TAFA4: variants seen among roughly 807,000 people sequenced by gnomAD.
The protein encoded by TAFA4 is TAFA chemokine like family member 4.
In TAFA4, 20 loss-of-function variants were observed where a neutral mutation model predicts 21.1. The ratio of observed to expected loss-of-function variants is 0.95; its 90% CI spans 0.67 to 1.38. The LOEUF (loss-of-function observed/expected upper bound fraction) is 1.38, where lower values mean the gene tolerates loss of function less well. TAFA4 is among the 40% of genes most tolerant of loss of function. The pLI is 0.00. For missense variants in TAFA4, 211 were observed against 180.9 expected (o/e 1.17, Z -0.95); for synonymous variants, 71 against 67.4 (o/e 1.05, Z -0.26).
intron 1 of TAFA4, among the ~76,000 whole-genome samples, chr3:68,931,244 A>G (rs1464964462): frequency 1.3e-5 from 2 of 152,014 alleles, no homozygotes; most frequent in Non-Finnish European, 2.9e-5. Flanking sequence ...AAGGGAAAAG[A>G]GTTCAGGGAT....
intron 3 of TAFA4, among the ~76,000 whole-genome samples, chr3:68,827,090 G>C (rs1704257986): frequency 7.7e-6 from 1 of 130,306 alleles, no homozygotes; most frequent in South Asian, 2.3e-4. Flanking sequence ...CTGTGTCCAT[G>C]TGTTCTCATT....
chr3:68,871,458 C>A (rs1026764813), intron 3 of TAFA4, among the ~76,000 whole-genome samples: 5 of 152,068 alleles, frequency 3.3e-5, no homozygotes, highest in Non-Finnish European at 7.4e-5. Flanking sequence ...AAGTCTAACA[C>A]CTGAAACTAT....
At chr3:68,812,208 T>C (rs4371525) in intron 3 of TAFA4, among the ~76,000 whole-genome samples, 96,370 of 152,062 alleles carry the variant, frequency 0.63, 31,265 homozygotes, top group East Asian at 0.98. Flanking sequence ...AGGTACCAGC[T>C]ACTGCAAAAA....
At chr3:68,899,844 A>G (rs1048132283) in intron 1 of TAFA4, among the ~76,000 whole-genome samples, 1 of 152,194 alleles carries the variant, frequency 6.6e-6, no homozygotes, top group African/African-American at 2.4e-5. Context: ...AAAAGAAGAA[A>G]TGCATATAAA....
chr3:68,820,169 G>T (rs1417371793), intron 3 of TAFA4, among the ~76,000 whole-genome samples: 1 of 152,200 alleles, frequency 6.6e-6, no homozygotes. Flanking sequence ...TATGTTAAGT[G>T]AAGTAAGTCA....
In TAFA4 at chr3:68,931,944, C is replaced by A. The variant is rs181180137; in HGVS notation, c.-123+296G>T. On this transcript the variant is annotated intron_variant, in intron 1 of 5. Coordinates refer to ENST00000295569, the MANE Select transcript of TAFA4 (RefSeq NM_182522.5). The stretch of plus-strand genomic sequence containing the variant: ...TGGCCTCCTCCGCATCAGCAGAGCA[C>A]CCCCGGGGATTCTGTCAGACATGAA... 2.2e-3 allele frequency among the ~76,000 whole-genome samples: 335 copies of A among 152,308 alleles called. 1 individual carries two copies. The highest frequency in any genetic ancestry group is 3.9e-3 in the Non-Finnish European group (266 of 68,028).
chr3:68,874,392 A>G (rs2089522362), intron 3 of TAFA4, among the ~76,000 whole-genome samples: 3 of 151,974 alleles, frequency 2.0e-5, no homozygotes, highest in African/African-American at 7.2e-5. Context: ...ACAAAACGTC[A>G]TTTTTCTTCC....
chr3:68,868,810 C>T (rs2089448933), intron 3 of TAFA4, among the ~76,000 whole-genome samples: 2 of 151,690 alleles, frequency 1.3e-5, no homozygotes, highest in Non-Finnish European at 2.9e-5. Flanking sequence ...TTCAAATAAA[C>T]AATGATACAT....
At chr3:68,905,949 C>T (rs1248835640) in intron 1 of TAFA4, among the ~76,000 whole-genome samples, 1 of 152,212 alleles carries the variant, frequency 6.6e-6, no homozygotes, top group African/African-American at 2.4e-5. Flanking sequence ...CGTGAAGTTT[C>T]ACTGTGTTAA....
intron 1 of TAFA4, among the ~76,000 whole-genome samples, chr3:68,889,357 T>C (rs1271871717): frequency 6.6e-6 from 1 of 152,228 alleles, no homozygotes; most frequent in East Asian, 1.9e-4. Context: ...AAATGTTTAA[T>C]TTATTTCCAT....
intron 1 of TAFA4, among the ~76,000 whole-genome samples, chr3:68,895,641 C>T (rs2089781207): frequency 6.6e-6 from 1 of 152,144 alleles, no homozygotes; most frequent in African/African-American, 2.4e-5. Flanking sequence ...GCTAGCACAG[C>T]ATCCATGCTC....
At chr3:68,884,781 C>T (rs1453297551) in intron 2 of TAFA4, among the ~76,000 whole-genome samples, 3 of 152,204 alleles carry the variant, frequency 2.0e-5, no homozygotes, top group Non-Finnish European at 4.4e-5. Flanking sequence ...CTTCTTCTTA[C>T]GTGGACAATT....
chr3:68,898,160 A>T (rs2089811150), intron 1 of TAFA4, among the ~76,000 whole-genome samples: 1 of 152,212 alleles, frequency 6.6e-6, no homozygotes, highest in Non-Finnish European at 1.5e-5. Flanking sequence ...TTATAGCTTG[A>T]GCAAAGGTCA....
In TAFA4 at chr3:68,813,417, A is replaced by G. The variant is rs150684059; in HGVS notation, c.131-60399T>C. Among the ~76,000 whole-genome samples the G allele has an allele frequency of 2.6e-5, 4 of 152,244 alleles. No individual in the cohort carries two copies. The East Asian group carries it at 7.7e-4, about 29-fold the overall frequency. ...TTGAAAAGAACAAAATTGATAGACC[A>G]CTAGCAAGACTAATAAAGAAGAAAA... On this transcript the variant is annotated intron_variant, in intron 3 of 5. Transcript: ENST00000295569.
intron 3 of TAFA4, among the ~76,000 whole-genome samples, chr3:68,829,801 T>G (rs1246186390): frequency 6.6e-6 from 1 of 152,146 alleles, no homozygotes; most frequent in Non-Finnish European, 1.5e-5. Flanking sequence ...GAATTCAGCT[T>G]GAATCTGTCC....
intron 3 of TAFA4, among the ~76,000 whole-genome samples, chr3:68,815,378 C>A (rs533810708): frequency 6.6e-6 from 1 of 152,060 alleles, no homozygotes; most frequent in Non-Finnish European, 1.5e-5. Context: ...GAACAGGCAG[C>A]GTACAGAATG....
chr3:68,914,158 C>G (rs1249223645), intron 1 of TAFA4, among the ~76,000 whole-genome samples: 2 of 152,134 alleles, frequency 1.3e-5, no homozygotes, highest in African/African-American at 4.8e-5. Context: ...ATAAAGTAGC[C>G]TATTCTTACA....
intron 1 of TAFA4, among the ~76,000 whole-genome samples, chr3:68,922,568 T>C (rs1053694831): frequency 6.6e-6 from 1 of 152,234 alleles, no homozygotes; most frequent in Non-Finnish European, 1.5e-5. Context: ...ATATAGTCAA[T>C]TGCTTGTAAG....
At chr3:68,880,514 A>G (rs1287019040) in intron 3 of TAFA4, among the ~76,000 whole-genome samples, 3 of 152,216 alleles carry the variant, frequency 2.0e-5, no homozygotes, top group African/African-American at 7.2e-5. Flanking sequence ...AGTGTGCCCA[A>G]GAAAACAAAA....
Sources: allele counts gnomAD v4.1 joint callset (sites outside exome capture counted in the v4.1 genomes callset), GRCh38; gene constraint gnomAD v4.1.1; transcripts MANE v1.5; gene names NCBI Gene and HGNC (gene_info 2026-07-23, HGNC 2026-07-21).